The following SLC12A6 variants were observed in gnomAD, a reference collection of about 807,000 sequenced individuals.
SLC12A6 encodes the protein solute carrier family 12 member 6, also known as K-Cl cotransporter 3.
Under a neutral mutation model 135.3 loss-of-function variants are expected in SLC12A6, and 66 were observed. That is an observed-to-expected ratio of 0.49 (90% CI 0.40 to 0.60). The LOEUF is 0.60. SLC12A6 is among the 20% of genes least tolerant of loss of function. SLC12A6 has a pLI of 0.00. For synonymous variants in SLC12A6, 513 were observed against 508.8 expected (o/e 1.01, Z -0.11); for missense variants, 1,058 against 1,452.3 (o/e 0.73, Z 4.41).
intron 19 of SLC12A6, among the ~76,000 whole-genome samples, chr15:34,240,437 A>ATGTTCTT (rs1161770682): frequency 2.0e-5 from 3 of 152,216 alleles, no homozygotes; most frequent in African/African-American, 7.2e-5. Context: ...GTTTAGACTT[A>ATGTTCTT]ATAATCTTAT....
chr15:34,236,872 C>G, intron 22 of SLC12A6, 57 bp from the exon 23 acceptor site: 2 of 971,072 alleles, frequency 2.1e-6, no homozygotes, highest in Non-Finnish European at 3.4e-6. Flanking sequence ...GAAGGATGAA[C>G]CATACATTTT....
chr15:34,321,949 G>A (rs896854475), intron 2 of SLC12A6, among the ~76,000 whole-genome samples: 5 of 152,188 alleles, frequency 3.3e-5, no homozygotes, highest in Admixed American at 2.6e-4. Flanking sequence ...GACAATGGCT[G>A]GATCTGGAAG....
chr15:34,279,035 G>A (rs1894488971), intron 2 of SLC12A6, among the ~76,000 whole-genome samples: 2 of 151,896 alleles, frequency 1.3e-5, no homozygotes, highest in South Asian at 4.2e-4. Flanking sequence ...GCTAAAACAA[G>A]GCTAGGAGCG....
At chr15:34,296,728 C>T (rs1194696067) in intron 2 of SLC12A6, among the ~76,000 whole-genome samples, 1 of 152,020 alleles carries the variant, frequency 6.6e-6, no homozygotes, top group Non-Finnish European at 1.5e-5. Context: ...TAAGACTGCC[C>T]CATCCCTTTT....
intron 2 of SLC12A6, among the ~76,000 whole-genome samples, chr15:34,286,810 TG>T (rs1895112414): frequency 6.6e-6 from 1 of 152,100 alleles, no homozygotes; most frequent in African/African-American, 2.4e-5. Flanking sequence ...TTTCCCTATG[TG>T]CATTAATTAT....
chr15:34,310,628 A>G (rs1298971556), intron 2 of SLC12A6, among the ~76,000 whole-genome samples: 1 of 13,238 alleles, frequency 7.6e-5, no homozygotes, highest in Non-Finnish European at 1.2e-4. Flanking sequence ...TCCTGGGCTC[A>G]AGTGTGTGTG....
chr15:34,233,597 G>T lies in SLC12A6; in HGVS notation c.*284C>A. Reference sequence around the variant, plus strand: ...ATCCCTTTTACCAATTCATTTATTGGCTCAGCTTGTTAATTCTAATTTGCC... The same window carrying T: ...ATCCCTTTTACCAATTCATTTATTGTCTCAGCTTGTTAATTCTAATTTGCC... On this transcript the variant is annotated 3_prime_UTR_variant, in exon 26 of 26. Transcript: ENST00000354181. 2 of 358,958 alleles carry T rather than the reference G, an allele frequency of 5.6e-6. No individual in the cohort carries two copies. Among genetic ancestry groups the T allele is most frequent in the South Asian group, 3.3e-5 (1 of 30,574 alleles). 22.2% of individuals were successfully genotyped at this position (358,958 alleles called of 1,614,324 possible). A position where few individuals can be genotyped will look rare whatever the true frequency, so the allele number is the denominator to read the frequency against.
chr15:34,284,460 G>A (rs1894911191), intron 2 of SLC12A6, among the ~76,000 whole-genome samples: 1 of 151,704 alleles, frequency 6.6e-6, no homozygotes, highest in Admixed American at 6.6e-5. Context: ...TTTTAGTAGA[G>A]ACAGGGTTTC....
rs1182209513 is a variant in SLC12A6, at chr15:34,244,019, A to G, written c.1997T>C (p.Leu666Ser). Residue 666 changes from leucine (L) to serine (S), a missense_variant, in exon 16 of 26, where the codon TTA (leucine) becomes TCA (serine). Leu to Ser is a moderately radical substitution (Grantham distance 145). Transcript: ENST00000354181. Reference sequence around the variant, plus strand: ...GGGTCTCCAGTTGGGTGTTCGAAGTAATGTTTGCAAGGCACATGCCAAGTT... The same window carrying G: ...GGGTCTCCAGTTGGGTGTTCGAAGTGATGTTTGCAAGGCACATGCCAAGTT... Reference protein sequence around the residue: ...FVNLACALQTLLRTPNWRPRF... With the variant: ...FVNLACALQTSLRTPNWRPRF... 6.2e-7 allele frequency: 1 copy of G among 1,610,488 alleles called. No individual in the cohort carries two copies. The highest frequency in any genetic ancestry group is 8.5e-7 in the Non-Finnish European group (1 of 1,176,690).
At chr15:34,306,017 T>C (rs1179426058) in intron 2 of SLC12A6, among the ~76,000 whole-genome samples, 1 of 152,180 alleles carries the variant, frequency 6.6e-6, no homozygotes, top group Non-Finnish European at 1.5e-5. Context: ...CGCCTCGGCC[T>C]ACCAAAGTGC....
intron 25 of SLC12A6, among the ~76,000 whole-genome samples, chr15:34,234,706 T>C (rs1278416631): frequency 2.0e-5 from 3 of 152,322 alleles, no homozygotes; most frequent in South Asian, 2.1e-4. Flanking sequence ...CTGGTGGGAA[T>C]AAGCTAATTT....
At chr15:34,292,024 T>C (rs1895571351) in intron 2 of SLC12A6, among the ~76,000 whole-genome samples, 1 of 152,202 alleles carries the variant, frequency 6.6e-6, no homozygotes. Context: ...TTTTGTTCCC[T>C]TGCTGGTGAG....
intron 15 of SLC12A6, among the ~76,000 whole-genome samples, chr15:34,244,407 C>T (rs1176441954): frequency 1.3e-5 from 2 of 152,250 alleles, no homozygotes; most frequent in Middle Eastern, 3.2e-3. Context: ...CTACTAATCA[C>T]CTTAGTTCAG....
intron 2 of SLC12A6, among the ~76,000 whole-genome samples, chr15:34,282,744 T>G (rs1316247421): frequency 6.6e-6 from 1 of 152,224 alleles, no homozygotes; most frequent in African/African-American, 2.4e-5. Context: ...CACTCAGCAC[T>G]ATTTCCATTA....
chr15:34,252,027 G>A, intron 10 of SLC12A6, 143 bp downstream of exon 10: 1 of 639,884 alleles, frequency 1.6e-6, no homozygotes, highest in Non-Finnish European at 2.8e-6. Context: ...GAAATATGGT[G>A]AATTAAGAGC....
At chr15:34,278,558 G>T (rs1294204063) in intron 2 of SLC12A6, among the ~76,000 whole-genome samples, 1 of 152,094 alleles carries the variant, frequency 6.6e-6, no homozygotes, top group Non-Finnish European at 1.5e-5. Flanking sequence ...CTATACTTCA[G>T]ATGAGTAGAA....
chr15:34,240,385 C>T (rs552535950), intron 19 of SLC12A6, among the ~76,000 whole-genome samples: 51 of 152,230 alleles, frequency 3.4e-4, no homozygotes, highest in Middle Eastern at 3.4e-3. Flanking sequence ...CATGACTTTT[C>T]TCAGTGCTTA....
At chr15:34,309,454 C>A (rs1027792772) in intron 2 of SLC12A6, among the ~76,000 whole-genome samples, 7 of 151,994 alleles carry the variant, frequency 4.6e-5, no homozygotes, top group Non-Finnish European at 1.5e-5. Context: ...TCTGGTGTAT[C>A]TCTTGTGGGG....
chr15:34,332,297 C>T (rs16959020), intron 2 of SLC12A6, among the ~76,000 whole-genome samples: 28,143 of 152,124 alleles, frequency 0.18, 2,911 homozygotes, highest in East Asian at 0.33. Context: ...TTATCCTTAA[C>T]TCATTGCTCA....
Sources: allele counts gnomAD v4.1 joint callset (sites outside exome capture counted in the v4.1 genomes callset), GRCh38; gene constraint gnomAD v4.1.1; transcripts MANE v1.5; gene names NCBI Gene and HGNC (gene_info 2026-07-23, HGNC 2026-07-21).